VPS13B: variants seen among roughly 807,000 people sequenced by gnomAD.
VPS13B encodes the protein intermembrane lipid transfer protein VPS13B.
Under a neutral mutation model 426.4 loss-of-function variants are expected in VPS13B, and 285 were observed. The ratio of observed to expected loss-of-function variants is 0.67; its 90% CI spans 0.61 to 0.74. The LOEUF (loss-of-function observed/expected upper bound fraction) is 0.74, where lower values mean the gene tolerates loss of function less well. Ranked by LOEUF, VPS13B falls within the 30% of genes least tolerant of loss-of-function variation. The probability of loss-of-function intolerance (pLI) is 0.00; values close to 1 mark genes in which losing one functional copy is unlikely to be tolerated. For missense variants in VPS13B, 4,537 were observed against 4,782.6 expected (o/e 0.95, Z 1.51); for synonymous variants, 1,676 against 1,676.4 (o/e 1.00, Z 0.01).
At chr8:99,642,641 C>A in intron 34 of VPS13B, 143 bp downstream of exon 34, 1 of 724,486 alleles carries the variant, frequency 1.4e-6, no homozygotes. Flanking sequence ...TGTTCCACAG[C>A]TGAATCCTGT....
chr8:99,737,069 T>C (rs940515711), intron 39 of VPS13B, among the ~76,000 whole-genome samples: 4 of 150,870 alleles, frequency 2.7e-5, no homozygotes, highest in African/African-American at 9.7e-5. Flanking sequence ...TCCTATTGAA[T>C]TTGAAGTGTT....
intron 39 of VPS13B, among the ~76,000 whole-genome samples, chr8:99,761,231 A>G (rs1056233519): frequency 3.9e-5 from 6 of 152,252 alleles, no homozygotes; most frequent in Non-Finnish European, 1.5e-5. Flanking sequence ...GTATCTCCAT[A>G]GTAATCTATT....
At chr8:99,496,334 C>G (rs1244142215) in intron 25 of VPS13B, among the ~76,000 whole-genome samples, 1 of 152,020 alleles carries the variant, frequency 6.6e-6, no homozygotes, top group African/African-American at 2.4e-5. Context: ...TAGGACAATA[C>G]AACAATAAAA....
At chr8:99,049,181 C>T (rs924631242) in intron 3 of VPS13B, among the ~76,000 whole-genome samples, 3 of 151,886 alleles carry the variant, frequency 2.0e-5, no homozygotes, top group African/African-American at 7.3e-5. Context: ...ATGTGAGATA[C>T]CATTCCATTT....
chr8:99,087,607 G>GT (rs1338883448), intron 3 of VPS13B, among the ~76,000 whole-genome samples: 129 of 145,556 alleles, frequency 8.9e-4, no homozygotes, highest in African/African-American at 3.1e-3. Context: ...TCCACCCACT[G>GT]TTTTTTTGTT....
intron 12 of VPS13B, among the ~76,000 whole-genome samples, chr8:99,140,875 G>T (rs1810385609): frequency 6.6e-6 from 1 of 151,974 alleles, no homozygotes; most frequent in African/African-American, 2.4e-5. Flanking sequence ...TATGGTACTT[G>T]AAAGCAAGTG....
intron 3 of VPS13B, among the ~76,000 whole-genome samples, chr8:99,066,995 A>C (rs1219725225): frequency 6.6e-6 from 1 of 152,210 alleles, no homozygotes; most frequent in Non-Finnish European, 1.5e-5. Flanking sequence ...AGGAAACAAC[A>C]GATGCTGGAG....
intron 17 of VPS13B, chr8:99,233,021 G>A (rs1193243931): frequency 1.4e-5 from 13 of 928,926 alleles, no homozygotes; most frequent in South Asian, 2.8e-5. Context: ...CCATTCATCT[G>A]TTGTTTTGCT....
chr8:99,490,644 C>T (rs1247922133), intron 25 of VPS13B, among the ~76,000 whole-genome samples: 1 of 152,108 alleles, frequency 6.6e-6, no homozygotes, highest in Admixed American at 6.5e-5. Flanking sequence ...GTGTATATGT[C>T]CAAGAACTTA....
intron 2 of VPS13B, among the ~76,000 whole-genome samples, chr8:99,026,554 A>G (rs561184356): frequency 1.3e-5 from 2 of 152,344 alleles, no homozygotes; most frequent in African/African-American, 4.8e-5. Context: ...TCAAGTCCCC[A>G]ACTATTATTG....
intron 19 of VPS13B, among the ~76,000 whole-genome samples, chr8:99,363,456 G>T (rs937753814): frequency 1.3e-5 from 2 of 152,018 alleles, no homozygotes; most frequent in African/African-American, 4.8e-5. Flanking sequence ...TTTTGGGTCT[G>T]TTTTTGATTC....
intron 29 of VPS13B, among the ~76,000 whole-genome samples, chr8:99,511,914 G>A (rs1267744648): frequency 6.6e-6 from 1 of 152,170 alleles, no homozygotes; most frequent in Non-Finnish European, 1.5e-5. Context: ...AAGATAGGAG[G>A]ACCACTGGAG....
At chr8:99,429,384 T>G (rs1273038032) in intron 21 of VPS13B, among the ~76,000 whole-genome samples, 1 of 151,986 alleles carries the variant, frequency 6.6e-6, no homozygotes, top group East Asian at 1.9e-4. Flanking sequence ...ATGTTGAGCA[T>G]TTTAAAAATA....
intron 30 of VPS13B, among the ~76,000 whole-genome samples, chr8:99,539,736 G>C (rs1017764057): frequency 5.3e-5 from 8 of 151,622 alleles, no homozygotes; most frequent in African/African-American, 1.9e-4. Flanking sequence ...CATTTCTTGA[G>C]AAAAAGAATT....
At chr8:99,710,801 C>T (rs936772119) in intron 36 of VPS13B, among the ~76,000 whole-genome samples, 1 of 147,128 alleles carries the variant, frequency 6.8e-6, no homozygotes, top group African/African-American at 2.5e-5. Context: ...ACCAGCCTGA[C>T]CAATGTGGTG....
At chr8:99,742,726 A>G (rs1168647154) in intron 39 of VPS13B, among the ~76,000 whole-genome samples, 1 of 152,234 alleles carries the variant, frequency 6.6e-6, no homozygotes, top group Non-Finnish European at 1.5e-5. Flanking sequence ...GACAAAAACC[A>G]TATGATTATC....
At chr8:99,092,172 C>A (rs1292208954) in intron 3 of VPS13B, 1 of 152,142 alleles carries the variant, frequency 6.6e-6, no homozygotes, top group Non-Finnish European at 1.5e-5. Flanking sequence ...GATCTGTTTA[C>A]GTGCAGTGTT....
chr8:99,574,228 C>T (rs995581816), intron 31 of VPS13B, among the ~76,000 whole-genome samples: 5 of 152,166 alleles, frequency 3.3e-5, no homozygotes, highest in Non-Finnish European at 5.9e-5. Flanking sequence ...TCTAAATATA[C>T]AATCATGTCG....
intron 21 of VPS13B, among the ~76,000 whole-genome samples, chr8:99,391,908 G>T (rs1160415513): frequency 6.6e-6 from 1 of 152,174 alleles, no homozygotes. Flanking sequence ...CCATAAGGTG[G>T]CATGAAGAGG....
Sources: allele counts gnomAD v4.1 joint callset (sites outside exome capture counted in the v4.1 genomes callset), GRCh38; gene constraint gnomAD v4.1.1; transcripts MANE v1.5; gene names NCBI Gene and HGNC (gene_info 2026-07-23, HGNC 2026-07-21).